The following BRINP3 variants were observed in gnomAD, a reference collection of about 807,000 sequenced individuals.
BRINP3 encodes the protein BMP/retinoic acid inducible neural specific 3, also known as BMP/retinoic acid-inducible neural-specific protein 3.
BRINP3 carries 19 observed loss-of-function variants against 71.0 expected under a neutral mutation model. That is an observed-to-expected ratio of 0.27 (90% confidence interval 0.19 to 0.39). The LOEUF is 0.39. Ranked by LOEUF, BRINP3 falls within the 10% of genes least tolerant of loss-of-function variation. The pLI is 1.00. For synonymous variants in BRINP3, 380 were observed against 337.7 expected, an observed-to-expected ratio of 1.13 and a Z score of -1.37; for missense variants, 959 against 940.8, an observed-to-expected ratio of 1.02 and a Z score of -0.25.
chr1:190,300,685 C>T (rs1016261198), intron 2 of BRINP3, among the ~76,000 whole-genome samples: 1 of 152,022 alleles, frequency 6.6e-6, no homozygotes, highest in Non-Finnish European at 1.5e-5. Flanking sequence ...CTCACACGGC[C>T]AGGTAGTCCA....
intron 2 of BRINP3, among the ~76,000 whole-genome samples, chr1:190,363,152 G>A (rs1298330005): frequency 2.6e-5 from 4 of 152,120 alleles, no homozygotes; most frequent in African/African-American, 9.7e-5. Context: ...CACATGGCAG[G>A]GAACTACGAG....
intron 1 of BRINP3, among the ~76,000 whole-genome samples, chr1:190,456,185 T>C (rs1675972547): frequency 6.6e-6 from 1 of 152,210 alleles, no homozygotes; most frequent in Non-Finnish European, 1.5e-5. Flanking sequence ...AACCCCATTA[T>C]TTGTATTTAA....
chr1:190,114,442 GT>G (rs367609081), intron 7 of BRINP3, among the ~76,000 whole-genome samples: 120 of 151,918 alleles, frequency 7.9e-4, no homozygotes, highest in African/African-American at 2.7e-3. Context: ...TATAAAGTCT[GT>G]TAGTCAGACT....
chr1:190,186,064 T>TTA (rs1316316448), intron 6 of BRINP3, among the ~76,000 whole-genome samples: 3 of 151,994 alleles, frequency 2.0e-5, no homozygotes, highest in Non-Finnish European at 4.4e-5. Flanking sequence ...ACTTGGTCAT[T>TTA]TATATATATA....
At chr1:190,163,992 C>G (rs1206586051) in intron 6 of BRINP3, among the ~76,000 whole-genome samples, 3 of 151,988 alleles carry the variant, frequency 2.0e-5, no homozygotes, top group Non-Finnish European at 4.4e-5. Context: ...TTATTAACAC[C>G]ACTATATTAA....
chr1:190,167,684 G>A (rs149375470), intron 6 of BRINP3, among the ~76,000 whole-genome samples: 1 of 152,092 alleles, frequency 6.6e-6, no homozygotes, highest in Non-Finnish European at 1.5e-5. Context: ...GGAGAGGCAT[G>A]GGAACCTCGG....
chr1:190,445,465 A>T (rs1301646168), intron 2 of BRINP3, among the ~76,000 whole-genome samples: 3 of 152,136 alleles, frequency 2.0e-5, no homozygotes, highest in African/African-American at 7.2e-5. Flanking sequence ...GTAATTTTAG[A>T]ATCTTTTGTA....
At chr1:190,369,786 CA>C (rs1669743305) in intron 2 of BRINP3, among the ~76,000 whole-genome samples, 1 of 151,892 alleles carries the variant, frequency 6.6e-6, no homozygotes, top group African/African-American at 2.4e-5. Flanking sequence ...GAATATGTGA[CA>C]TAATGGTCAG....
intron 6 of BRINP3, among the ~76,000 whole-genome samples, chr1:190,180,698 T>C (rs1313920115): frequency 3.9e-5 from 6 of 152,122 alleles, no homozygotes; most frequent in Non-Finnish European, 8.8e-5. Context: ...CAACAAATTC[T>C]AACTCCAATG....
chr1:190,281,602 T>G lies in BRINP3; in HGVS notation c.385A>C (p.Lys129Gln), dbSNP rs1274251830. The G allele has an allele frequency of 1.2e-6, 2 of 1,612,652 alleles. No individual in the cohort carries two copies. The highest frequency in any genetic ancestry group is 1.3e-5 in the African/African-American group (1 of 74,776). ...TLQQITENLI[K>Q]KYGTHFLLSA... is the part of the protein sequence containing the mutation. ...AGCAAGAAATGTGTCCCATATTTCT[T>G]GATAAGGTTTTCTGTGATTTGCTGA... is the stretch of plus-strand genomic sequence containing the variant. The change falls in exon 3 of 8, where the codon AAG becomes CAG. Residue 129 changes from lysine to glutamine, a missense_variant. Coordinates refer to ENST00000367462, the MANE Select transcript of BRINP3 (RefSeq NM_199051.3).
rs146533770 is a variant in BRINP3, at chr1:190,412,687, C to A, written c.236+41968G>T. ...CCGTTTTAGCCGGGATGGTCTCGATCTCCTGACCTCGTGATCCGCCCGCCT... is the reference window on the plus strand; with the variant it reads ...CCGTTTTAGCCGGGATGGTCTCGATATCCTGACCTCGTGATCCGCCCGCCT... On this transcript the variant is annotated intron_variant, in intron 2 of 7. Transcript: ENST00000367462. Among the ~76,000 whole-genome samples the A allele has an allele frequency of 9.3e-3, 1,407 of 151,448 alleles. 63 individuals carry two copies. The highest frequency in any genetic ancestry group is 0.069 in the Admixed American group (1,053 of 15,182).
Position 190,395,266 on chromosome 1 carries a change from T to C in BRINP3, c.236+59389A>G, listed in dbSNP as rs146186539. On this transcript the variant is annotated intron_variant, in intron 2 of 7. Coordinates refer to ENST00000367462, the MANE Select transcript of BRINP3 (RefSeq NM_199051.3). ...AGATCTGACTTTATGCATAGTTTTGTCTAAATTCAATTGCTTAATGTAATG... is the reference window on the plus strand; with the variant it reads ...AGATCTGACTTTATGCATAGTTTTGCCTAAATTCAATTGCTTAATGTAATG... Among the ~76,000 whole-genome samples the C allele has an allele frequency of 1.5e-4, 23 of 151,850 alleles. 1 individual carries two copies. The highest frequency in any genetic ancestry group is 3.6e-4 in the African/African-American group (15 of 41,516).
At chr1:190,441,667 GAA>G (rs773072161) in intron 2 of BRINP3, among the ~76,000 whole-genome samples, 2 of 152,032 alleles carry the variant, frequency 1.3e-5, no homozygotes, top group Non-Finnish European at 2.9e-5. Context: ...TTCAAGAAAA[GAA>G]AATTATTGAC....
chr1:190,273,985 T>C (rs1662337966), intron 3 of BRINP3, among the ~76,000 whole-genome samples: 1 of 151,628 alleles, frequency 6.6e-6, no homozygotes, highest in African/African-American at 2.4e-5. Context: ...GCATTATATT[T>C]ATTCTGATAT....
At chr1:190,467,268 A>G (rs1676821321) in intron 1 of BRINP3, among the ~76,000 whole-genome samples, 1 of 151,596 alleles carries the variant, frequency 6.6e-6, no homozygotes, top group African/African-American at 2.4e-5. Flanking sequence ...AAAAAACTGT[A>G]AGCATCTTAT....
At chr1:190,420,313 G>A (rs973470938) in intron 2 of BRINP3, among the ~76,000 whole-genome samples, 2 of 151,988 alleles carry the variant, frequency 1.3e-5, no homozygotes, top group African/African-American at 2.4e-5. Flanking sequence ...TATATAGCAT[G>A]TGTGCAAAAA....
intron 6 of BRINP3, 131 bp from the exon 7 acceptor site, chr1:190,161,021 G>C (rs767225180): frequency 1.7e-4 from 105 of 608,020 alleles, no homozygotes; most frequent in Non-Finnish European, 2.7e-4. Context: ...TAAATACAGT[G>C]CCTCATTTGT....
In BRINP3 at chr1:190,288,785, T is replaced by A. The variant is rs75570929; in HGVS notation, c.237-7035A>T. On this transcript the variant is annotated intron_variant, in intron 2 of 7. Transcript: ENST00000367462. Reference sequence around the variant, plus strand: ...AGGTAATGCGATTTTGTGGAATTAATAAGTAAAAATTTACAAAAGAATTTA... The same window carrying A: ...AGGTAATGCGATTTTGTGGAATTAAAAAGTAAAAATTTACAAAAGAATTTA... Among the ~76,000 whole-genome samples the A allele has an allele frequency of 4.9e-3, 748 of 152,026 alleles. 6 individuals are homozygous for A. The highest frequency in any genetic ancestry group is 0.017 in the African/African-American group (702 of 41,546).
chr1:190,425,675 A>G (rs554757727), intron 2 of BRINP3, among the ~76,000 whole-genome samples: 1 of 151,860 alleles, frequency 6.6e-6, no homozygotes, highest in Non-Finnish European at 1.5e-5. Context: ...GCCAAATTAA[A>G]GTAAAATGAA....
Sources: allele counts gnomAD v4.1 joint callset (sites outside exome capture counted in the v4.1 genomes callset), GRCh38; gene constraint gnomAD v4.1.1; transcripts MANE v1.5; gene names NCBI Gene and HGNC (gene_info 2026-07-23, HGNC 2026-07-21).